SKI: variants seen among roughly 807,000 people sequenced by gnomAD.
SKI encodes the protein ski oncogene.
In SKI, 23 loss-of-function variants were observed where a neutral mutation model predicts 59.3. That is an observed-to-expected ratio of 0.39 (90% CI 0.28 to 0.55). The LOEUF is 0.55. Among genes scored for constraint, SKI ranks in the 20% least tolerant of loss-of-function variants. SKI has a pLI of 0.67. For missense variants in SKI, 1,017 were observed against 1,038.9 expected, an observed-to-expected ratio of 0.98 and a Z score of 0.29; for synonymous variants, 673 against 488.6, an observed-to-expected ratio of 1.38 and a Z score of -4.98.
chr1:2,249,089 G>A (rs142891527), intron 1 of SKI, among the ~76,000 whole-genome samples: 1,881 of 152,346 alleles, frequency 0.012, 23 homozygotes, highest in Non-Finnish European at 0.019. Context: ...AGATGCGGTC[G>A]AGTGCTGTTG....
intron 1 of SKI, among the ~76,000 whole-genome samples, chr1:2,285,711 C>T (rs2100883485): frequency 6.7e-6 from 1 of 149,780 alleles, no homozygotes; most frequent in South Asian, 2.1e-4. Context: ...TTACAGGTGC[C>T]CGCCACCATG....
rs929947041 is a variant in SKI, at chr1:2,229,844, C to T, written c.969+109C>T. 104 of 1,522,024 alleles carry T rather than the reference C, an allele frequency of 6.8e-5. No individual in the cohort carries two copies. In the South Asian group the frequency reaches 7.7e-4, roughly 11 times the overall value. 94.3% of individuals were successfully genotyped at this position (1,522,024 alleles called of 1,614,324 possible). A position where few individuals can be genotyped will look rare whatever the true frequency, so the allele number is the denominator to read the frequency against. On this transcript the variant is annotated intron_variant, in intron 1 of 6. Transcript: ENST00000378536. The surrounding 1 kb of genome is among the most constrained non-coding windows in gnomAD (Gnocchi z 6.3). ...GCTGGGACCTGTGCTTCTGCCGTGC[C>T]CCATGTCTCCAGTCTTCGCTTTGTT...
chr1:2,293,731 GC>G (rs1640219948), intron 1 of SKI, among the ~76,000 whole-genome samples: 2 of 152,172 alleles, frequency 1.3e-5, no homozygotes, highest in African/African-American at 4.8e-5. Context: ...CCCGTGCAAG[GC>G]CCCTGGGTCT....
At chr1:2,235,106 G>C (rs1352707015) in intron 1 of SKI, among the ~76,000 whole-genome samples, 2 of 151,128 alleles carry the variant, frequency 1.3e-5, no homozygotes. Context: ...GCAGTGGTGC[G>C]ATCTTGGCTC....
intron 1 of SKI, among the ~76,000 whole-genome samples, chr1:2,288,880 T>C (rs573020673): frequency 1.9e-4 from 29 of 152,114 alleles, no homozygotes; most frequent in Admixed American, 1.1e-3. Flanking sequence ...CCCCGCCACG[T>C]GTGTGAGGCC....
chr1:2,279,367 C>T (rs1303388931), intron 1 of SKI, among the ~76,000 whole-genome samples: 1 of 152,176 alleles, frequency 6.6e-6, no homozygotes, highest in Non-Finnish European at 1.5e-5. Flanking sequence ...GGCATCGCTT[C>T]ATCCCTTCCC....
chr1:2,245,602 A>T (rs755488388), intron 1 of SKI, among the ~76,000 whole-genome samples: 125 of 151,824 alleles, frequency 8.2e-4, no homozygotes, highest in Non-Finnish European at 1.1e-3. Flanking sequence ...CAGCCTCCCA[A>T]GTAGCTGGGA....
In SKI at chr1:2,297,591, C is replaced by T. The variant is rs192375393; in HGVS notation, c.970-5387C>T. ...GGCTTCTTGGTGCCTACAACATCTG[C>T]GCCACTCCACAGCGTTGCCTATTGG... On this transcript the variant is annotated intron_variant, in intron 1 of 6. Transcript: ENST00000378536. 5.2e-3 allele frequency among the ~76,000 whole-genome samples: 786 copies of T among 152,344 alleles called. 6 individuals carry two copies. Among genetic ancestry groups the T allele is most frequent in the Non-Finnish European group, 7.9e-3 (536 of 68,034 alleles).
chr1:2,282,392 C>T (rs199893825), intron 1 of SKI, among the ~76,000 whole-genome samples: 2 of 42,882 alleles, frequency 4.7e-5, no homozygotes, highest in Non-Finnish European at 9.5e-5. Flanking sequence ...AGAAGACAGG[C>T]GGTGGCGGAG....
intron 1 of SKI, among the ~76,000 whole-genome samples, chr1:2,278,567 C>A (rs1639798057): frequency 6.6e-6 from 1 of 152,146 alleles, no homozygotes. Context: ...AAGGTAGAGC[C>A]CGGCAGATTC....
intron 1 of SKI, among the ~76,000 whole-genome samples, chr1:2,257,365 C>T (rs1639295102): frequency 6.6e-6 from 1 of 152,270 alleles, no homozygotes; most frequent in African/African-American, 2.4e-5. Context: ...ACCTGGGAGC[C>T]CGCGGATGGC....
At chr1:2,294,686 G>A (rs894002320) in intron 1 of SKI, among the ~76,000 whole-genome samples, 1 of 152,250 alleles carries the variant, frequency 6.6e-6, no homozygotes, top group African/African-American at 2.4e-5. Flanking sequence ...TTGTCCCCAT[G>A]GCAGGGAGGC....
At chr1:2,261,995 G>A (rs375349939) in intron 1 of SKI, among the ~76,000 whole-genome samples, 7 of 111,384 alleles carry the variant, frequency 6.3e-5, no homozygotes, top group Non-Finnish European at 5.5e-5. Context: ...CAGAGTTTGG[G>A]TGGGAGTGGT....
chr1:2,274,011 C>T (rs754276578), intron 1 of SKI, among the ~76,000 whole-genome samples: 3 of 151,900 alleles, frequency 2.0e-5, no homozygotes, highest in Non-Finnish European at 4.4e-5. Flanking sequence ...GCATGCTGAG[C>T]GCCCATGCGT....
In SKI at chr1:2,238,034, C is replaced by T. The variant is rs542683194; in HGVS notation, c.969+8299C>T. 1.8e-4 allele frequency among the ~76,000 whole-genome samples: 27 copies of T among 152,360 alleles called. 1 individual carries two copies. The South Asian group carries it at 1.9e-3, about 11-fold the overall frequency. On this transcript the variant is annotated intron_variant, in intron 1 of 6. Transcript: ENST00000378536. ...CTGTCAAGGGCTTCTCTGTGCCAGG[C>T]GCTGGGCTGTGGCAGCCCCAGGTCC...
intron 1 of SKI, among the ~76,000 whole-genome samples, chr1:2,284,878 G>A (rs540749436): frequency 3.3e-5 from 5 of 152,368 alleles, no homozygotes; most frequent in South Asian, 2.1e-4. Context: ...ACCCTGCTCC[G>A]CAGTGCAGTG....
chr1:2,229,573 C>G lies in SKI; in HGVS notation c.807C>G (p.Asn269Lys). 1 of 1,611,652 alleles carries G rather than the reference C, an allele frequency of 6.2e-7. No homozygotes were observed. Among genetic ancestry groups the G allele is most frequent in the Non-Finnish European group, 8.5e-7 (1 of 1,179,948 alleles). The part of the protein sequence containing the change: ...FVVHSHKALE[N>K]RTCHWGFDSA... ...TGCACTCGCACAAGGCCCTGGAGAA[C>G]CGGACCTGCCACTGGGGCTTCGACT... The change falls in exon 1 of 7, where the codon AAC (asparagine) becomes AAG (lysine). Residue 269 changes from asparagine to lysine, a missense_variant. Transcript: ENST00000378536. The surrounding 1 kb of genome is among the most constrained non-coding windows in gnomAD (Gnocchi z 6.3).
intron 1 of SKI, among the ~76,000 whole-genome samples, chr1:2,256,531 A>C (rs1265776654): frequency 1.3e-5 from 2 of 152,050 alleles, no homozygotes; most frequent in Non-Finnish European, 2.9e-5. Flanking sequence ...CTTCCTGGTG[A>C]GGGATTCTAG....
intron 1 of SKI, among the ~76,000 whole-genome samples, chr1:2,286,652 G>A (rs1249106270): frequency 6.6e-6 from 1 of 152,264 alleles, no homozygotes; most frequent in East Asian, 1.9e-4. Flanking sequence ...GAACCTGGCT[G>A]TTGGAGTTCG....
Sources: gnomAD v4.1 joint callset for allele counts (sites outside exome capture counted in the v4.1 genomes callset) on GRCh38, gnomAD v4.1.1 for gene constraint, Gnocchi (gnomAD v3.1) non-coding constraint, MANE v1.5 for transcripts, NCBI Gene and HGNC (gene_info 2026-07-23, HGNC 2026-07-21) for gene names.